Variants in PCDHA4 observed in about 807,000 individuals in gnomAD.
The protein encoded by PCDHA4 is protocadherin alpha-4.
PCDHA4 carries 49 observed loss-of-function variants against 61.4 expected under a neutral mutation model. The observed-to-expected ratio is 0.80, with a 90% confidence interval of 0.63 to 1.01. The LOEUF (loss-of-function observed/expected upper bound fraction) is 1.01, where lower values mean the gene tolerates loss of function less well. Ranked by LOEUF, PCDHA4 falls within the 50% of genes least tolerant of loss-of-function variation. PCDHA4 has a pLI of 0.00. For missense variants in PCDHA4, 1,254 were observed against 1,235.8 expected, an observed-to-expected ratio of 1.01 and a Z score of -0.22; for synonymous variants, 590 against 550.3, an observed-to-expected ratio of 1.07 and a Z score of -1.01.
intron 1 of PCDHA4, among the ~76,000 whole-genome samples, chr5:140,973,765 G>A (rs1326498499): frequency 6.6e-6 from 1 of 152,230 alleles, no homozygotes; most frequent in African/African-American, 2.4e-5. Context: ...GACACAGCCT[G>A]GCATATTATA....
At chr5:140,973,208 C>T (rs2096576751) in intron 1 of PCDHA4, among the ~76,000 whole-genome samples, 1 of 152,170 alleles carries the variant, frequency 6.6e-6, no homozygotes, top group African/African-American at 2.4e-5. Flanking sequence ...TGCATATTCA[C>T]CCTAATTCCA....
intron 1 of PCDHA4, among the ~76,000 whole-genome samples, chr5:140,891,171 A>T (rs1221936185): frequency 1.3e-5 from 2 of 151,478 alleles, no homozygotes; most frequent in African/African-American, 4.9e-5. Flanking sequence ...TGCTTTTCAG[A>T]TTTTCTGTGT....
chr5:140,828,587 TCCATCTTAA>T, intron 1 of PCDHA4: 1 of 1,614,236 alleles, frequency 6.2e-7, no homozygotes, highest in African/African-American at 1.3e-5. Flanking sequence ...TGGCTCAAAT[TCCATCTTAA>T]CCTATAAACT....
At position 140,897,620 on chromosome 5, in the gene PCDHA4, A is replaced by G. The variant is rs1317464980; in HGVS notation, c.2386-81329A>G. On this transcript the variant is annotated intron_variant, in intron 1 of 3. Coordinates refer to ENST00000530339, the MANE Select transcript of PCDHA4 (RefSeq NM_018907.4). Reference sequence around the variant, plus strand: ...ACATTTGGGTTGGTTCCAAGTCTTTACTATTGTGTATAGTGCCACAATAAA... The same window carrying G: ...ACATTTGGGTTGGTTCCAAGTCTTTGCTATTGTGTATAGTGCCACAATAAA... Among the ~76,000 whole-genome samples, 1,214 of 152,126 alleles carry G rather than the reference A, an allele frequency of 8.0e-3. 6 individuals are homozygous for G. The highest frequency in any genetic ancestry group is 0.019 in the African/African-American group (783 of 41,492).
chr5:140,904,714 C>T (rs1306730472), intron 1 of PCDHA4, among the ~76,000 whole-genome samples: 1 of 152,110 alleles, frequency 6.6e-6, no homozygotes, highest in African/African-American at 2.4e-5. Flanking sequence ...TCACCACATT[C>T]TGGCCAACAT....
intron 1 of PCDHA4, among the ~76,000 whole-genome samples, chr5:140,912,582 T>C (rs2075986919): frequency 6.6e-6 from 1 of 152,214 alleles, no homozygotes. Context: ...TTTTCCAATT[T>C]GGATGCCCTT....
intron 1 of PCDHA4, chr5:140,835,991 C>T (rs781942603): frequency 1.2e-6 from 2 of 1,613,268 alleles, no homozygotes; most frequent in Non-Finnish European, 1.7e-6. Context: ...TCCAGGTGAG[C>T]GCGCGCGATG....
intron 1 of PCDHA4, among the ~76,000 whole-genome samples, chr5:140,933,345 A>G (rs1257404732): frequency 6.6e-6 from 1 of 151,960 alleles, no homozygotes; most frequent in Non-Finnish European, 1.5e-5. Flanking sequence ...AAAGATAAAC[A>G]CTTTATTTCT....
At chr5:140,869,433 G>A in intron 1 of PCDHA4, 2 of 1,614,226 alleles carry the variant, frequency 1.2e-6, no homozygotes, top group Non-Finnish European at 1.7e-6. Context: ...AGGTGATCGT[G>A]GACAGGCCGC....
chr5:140,823,316 G>A lies in PCDHA4; in HGVS notation c.2385+13744G>A. The A allele has an allele frequency of 1.2e-6, 2 of 1,612,306 alleles. No individual in the cohort carries two copies. The highest frequency in any genetic ancestry group is 1.1e-5 in the South Asian group (1 of 91,014). On this transcript the variant is annotated intron_variant, in intron 1 of 3. Coordinates refer to ENST00000530339, the MANE Select transcript of PCDHA4 (RefSeq NM_018907.4). ...TACGTTTCGGTGCACGCGGAGAGCG[G>A]CAAGGTGTACGCGCTGCAGCCGCTG...
chr5:140,870,592 C>A (rs202164332), intron 1 of PCDHA4: 2 of 1,613,554 alleles, frequency 1.2e-6, no homozygotes, highest in African/African-American at 1.3e-5. Context: ...GGTGGAGCGG[C>A]GGTTGGGCGA....
intron 1 of PCDHA4, chr5:140,867,381 A>C (rs2049925984): frequency 6.6e-6 from 1 of 152,184 alleles, no homozygotes; most frequent in African/African-American, 2.4e-5. Context: ...AATGGAATTA[A>C]CGGTTATAAA....
chr5:140,813,152 C>T (rs1337802214), intron 1 of PCDHA4: 1 of 152,080 alleles, frequency 6.6e-6, no homozygotes, highest in Non-Finnish European at 1.5e-5. Flanking sequence ...TCTGTTAGTT[C>T]CATTTCAGCT....
intron 1 of PCDHA4, chr5:140,842,158 T>C: frequency 3.1e-6 from 5 of 1,613,882 alleles, no homozygotes; most frequent in Non-Finnish European, 4.2e-6. Flanking sequence ...CAATTTCATA[T>C]TCTTTTAATA....
At chr5:140,828,983 A>C (rs2150161618) in intron 1 of PCDHA4, 1 of 1,614,204 alleles carries the variant, frequency 6.2e-7, no homozygotes, top group South Asian at 1.1e-5. Context: ...CATAGATCGA[A>C]ATACGGGAGA....
At chr5:140,828,903 A>C in intron 1 of PCDHA4, 1 of 1,614,256 alleles carries the variant, frequency 6.2e-7, no homozygotes. Flanking sequence ...GATCGGGATG[A>C]AGGAGCGAAT....
chr5:140,966,258 A>G, intron 1 of PCDHA4: 1 of 337,520 alleles, frequency 3.0e-6, no homozygotes, highest in Non-Finnish European at 5.3e-6. Context: ...GAGACGGTGG[A>G]GACTGGATGA....
rs370307660 is a variant in PCDHA4 at position 140,924,901 on chromosome 5, A to T, written c.2386-54048A>T. On this transcript the variant is annotated intron_variant, in intron 1 of 3. Transcript: ENST00000530339. The stretch of plus-strand genomic sequence containing the variant: ...CAGAGCAAGAACCTGTCTCAAAAAA[A>T]AAAATAAAATAAAATAAAATAAAAT... Among the ~76,000 whole-genome samples, 368 of 80,482 alleles carry T rather than the reference A, an allele frequency of 4.6e-3. 1 individual carries two copies. Among genetic ancestry groups the T allele is most frequent in the East Asian group, 9.1e-3 (17 of 1,868 alleles). The allele number at this position is 80,482 out of a possible 152,430, so 52.8% of individuals were successfully genotyped here. A position where few individuals can be genotyped will look rare whatever the true frequency, so the allele number is the denominator to read the frequency against.
intron 1 of PCDHA4, chr5:140,828,065 AT>A: frequency 2.6e-6 from 4 of 1,559,414 alleles, no homozygotes; most frequent in Non-Finnish European, 3.5e-6. Context: ...AGATCTTCTA[AT>A]GGAAATAAAA....
Sources: gnomAD v4.1 joint callset for allele counts (sites outside exome capture counted in the v4.1 genomes callset) on GRCh38, gnomAD v4.1.1 for gene constraint, MANE v1.5 for transcripts, NCBI Gene and HGNC (gene_info 2026-07-23, HGNC 2026-07-21) for gene names.